The following DSCAM variants were observed in gnomAD, a reference collection of about 807,000 sequenced individuals.
DSCAM encodes the protein cell adhesion molecule DSCAM.
In DSCAM, 47 loss-of-function variants were observed where a neutral mutation model predicts 217.7. That is an observed-to-expected ratio of 0.22 (90% confidence interval 0.17 to 0.28). The LOEUF is 0.28. Ranked by LOEUF, DSCAM falls within the 10% of genes least tolerant of loss-of-function variation. The pLI is 1.00. For missense variants in DSCAM, 2,080 were observed against 2,618.3 expected (o/e 0.79, Z 4.49); for synonymous variants, 1,056 against 1,015.3 (o/e 1.04, Z -0.76).
intron 2 of DSCAM, among the ~76,000 whole-genome samples, chr21:40,698,819 G>A (rs906204836): frequency 2.7e-5 from 4 of 146,982 alleles, no homozygotes; most frequent in African/African-American, 1.0e-4. Context: ...GCAGTGAGCT[G>A]AGATTGCGCC....
At chr21:40,828,263 T>G (rs1467338686) in intron 1 of DSCAM, among the ~76,000 whole-genome samples, 1 of 151,982 alleles carries the variant, frequency 6.6e-6, no homozygotes, top group African/African-American at 2.4e-5. Flanking sequence ...TAAAAATAAA[T>G]ACAAGGGCAA....
At chr21:40,201,902 T>C (rs997167498) in intron 11 of DSCAM, among the ~76,000 whole-genome samples, 2 of 152,064 alleles carry the variant, frequency 1.3e-5, no homozygotes, top group Non-Finnish European at 2.9e-5. Context: ...GCAGCAAAAA[T>C]ATATTATGAG....
chr21:40,554,621 C>T (rs1453205189), intron 3 of DSCAM, among the ~76,000 whole-genome samples: 1 of 152,140 alleles, frequency 6.6e-6, no homozygotes, highest in Admixed American at 6.5e-5. Flanking sequence ...CGGTTATCCA[C>T]TCACATAGAG....
intron 10 of DSCAM, among the ~76,000 whole-genome samples, chr21:40,283,884 T>C (rs2073794050): frequency 6.6e-6 from 1 of 152,168 alleles, no homozygotes; most frequent in Admixed American, 6.5e-5. Context: ...GAAATAAGAC[T>C]GAAGAGTCGC....
intron 3 of DSCAM, among the ~76,000 whole-genome samples, chr21:40,536,453 G>T (rs1202461618): frequency 6.7e-6 from 1 of 149,058 alleles, no homozygotes; most frequent in Non-Finnish European, 1.5e-5. Flanking sequence ...CCAGGCTGGA[G>T]TGCAGTGGCG....
intron 11 of DSCAM, among the ~76,000 whole-genome samples, chr21:40,247,448 A>C (rs567789873): frequency 6.6e-6 from 1 of 152,324 alleles, no homozygotes; most frequent in South Asian, 2.1e-4. Context: ...AAATATAGCC[A>C]TTCCAAATGG....
At chr21:40,127,452 G>T (rs1294514494) in intron 19 of DSCAM, among the ~76,000 whole-genome samples, 1 of 152,174 alleles carries the variant, frequency 6.6e-6, no homozygotes, top group African/African-American at 2.4e-5. Flanking sequence ...ACAAACTTGG[G>T]AAGTTTTCAT....
chr21:40,659,943 A>G (rs948586063), intron 3 of DSCAM, among the ~76,000 whole-genome samples: 1 of 152,252 alleles, frequency 6.6e-6, no homozygotes, highest in African/African-American at 2.4e-5. Context: ...GAATAAATTC[A>G]TTGCTTAAAA....
At chr21:40,236,568 G>A (rs987718467) in intron 11 of DSCAM, among the ~76,000 whole-genome samples, 14 of 152,088 alleles carry the variant, frequency 9.2e-5, no homozygotes, top group African/African-American at 2.9e-4. Context: ...AGCACATGAC[G>A]GGTTTTGAGT....
At chr21:40,736,898 A>G (rs867757449) in intron 1 of DSCAM, among the ~76,000 whole-genome samples, 3 of 152,324 alleles carry the variant, frequency 2.0e-5, no homozygotes, top group Admixed American at 6.5e-5. Context: ...CAAGAAGAAG[A>G]TAGTTTATTG....
At chr21:40,071,833 T>C (rs1012945147) in intron 27 of DSCAM, among the ~76,000 whole-genome samples, 7 of 152,238 alleles carry the variant, frequency 4.6e-5, no homozygotes, top group Admixed American at 6.5e-5. Flanking sequence ...GGATATTTAA[T>C]AGACAGGCAC....
intron 3 of DSCAM, among the ~76,000 whole-genome samples, chr21:40,637,508 A>AATATATAAAT (rs1418689766): frequency 3.9e-5 from 1 of 25,688 alleles, no homozygotes; most frequent in East Asian, 1.1e-3. Flanking sequence ...AATATATATA[A>AATATATAAAT]ATATATAAAT....
intron 6 of DSCAM, among the ~76,000 whole-genome samples, chr21:40,344,105 G>A (rs1398984413): frequency 3.3e-5 from 5 of 151,972 alleles, no homozygotes; most frequent in Non-Finnish European, 7.4e-5. Flanking sequence ...TGCCATGTTG[G>A]CCAGGCTGGT....
At chr21:40,701,172 T>C (rs1232848465) in intron 2 of DSCAM, among the ~76,000 whole-genome samples, 2 of 152,200 alleles carry the variant, frequency 1.3e-5, no homozygotes. Flanking sequence ...AGTTTATCTG[T>C]TTTTCCTTGA....
intron 16 of DSCAM, among the ~76,000 whole-genome samples, chr21:40,145,324 GT>G (rs1335643190): frequency 2.0e-5 from 3 of 152,168 alleles, no homozygotes; most frequent in Non-Finnish European, 4.4e-5. Context: ...CAGAATCACA[GT>G]GTTTCCAGGT....
At chr21:40,277,632 A>AT (rs563319395) in intron 10 of DSCAM, among the ~76,000 whole-genome samples, 4,125 of 137,206 alleles carry the variant, frequency 0.03, 260 homozygotes, top group East Asian at 0.21. Flanking sequence ...GACAACCTGA[A>AT]TTTTTTTTTT....
chr21:40,490,203 T>C (rs2076065392), intron 3 of DSCAM, among the ~76,000 whole-genome samples: 1 of 152,064 alleles, frequency 6.6e-6, no homozygotes. Context: ...TTCAATTACC[T>C]CCTGCCGGGC....
chr21:40,745,783 C>A (rs535809725), intron 1 of DSCAM, among the ~76,000 whole-genome samples: 3 of 151,936 alleles, frequency 2.0e-5, no homozygotes, highest in Middle Eastern at 6.8e-3. Context: ...AATTGTGGAA[C>A]GTAAACCACT....
At chr21:40,025,838 A>C (rs1300647467) in intron 32 of DSCAM, among the ~76,000 whole-genome samples, 1 of 150,516 alleles carries the variant, frequency 6.6e-6, no homozygotes, top group Non-Finnish European at 1.5e-5. Context: ...GGATTCATTA[A>C]TTTTTTGAAG....
Sources: gnomAD v4.1 joint callset for allele counts (sites outside exome capture counted in the v4.1 genomes callset) on GRCh38, gnomAD v4.1.1 for gene constraint, MANE v1.5 for transcripts, NCBI Gene and HGNC (gene_info 2026-07-23, HGNC 2026-07-21) for gene names.